Variants in MTMR2 observed in about 807,000 individuals in gnomAD.
The protein encoded by MTMR2 is myotubularin related protein 2, also known as phosphatidylinositol-3,5-bisphosphate 3-phosphatase MTMR2.
In MTMR2, 55 loss-of-function variants were observed where a neutral mutation model predicts 86.9. That is an observed-to-expected ratio of 0.63 (90% CI 0.51 to 0.79). The LOEUF (loss-of-function observed/expected upper bound fraction) is 0.79, where lower values mean the gene tolerates loss of function less well. Ranked by LOEUF, MTMR2 falls within the 30% of genes least tolerant of loss-of-function variation. The pLI is 0.00. For missense variants in MTMR2, 659 were observed against 772.3 expected, an observed-to-expected ratio of 0.85 and a Z score of 1.74; for synonymous variants, 241 against 266.8, an observed-to-expected ratio of 0.90 and a Z score of 0.94.
At chr11:95,851,886 T>TA (rs1321443169) in intron 7 of MTMR2, among the ~76,000 whole-genome samples, 1 of 152,212 alleles carries the variant, frequency 6.6e-6, no homozygotes, top group Non-Finnish European at 1.5e-5. Context: ...AAACAATTTT[T>TA]AAAAAACATA....
rs1863982079 is a variant in MTMR2 at position 95,850,660 on chromosome 11, T to C, written c.744A>G (p.Ala248=). Residue 248 remains alanine, a synonymous_variant, in exon 8 of 15, where the codon GCA becomes GCG. Coordinates refer to ENST00000346299, the MANE Select transcript of MTMR2 (RefSeq NM_016156.6). ...TCTTTAATTCTTCATCAGGAATATTTGCTGGCACAACCAGGAGGGCAGGGT... is the reference window on the plus strand; with the variant it reads ...TCTTTAATTCTTCATCAGGAATATTCGCTGGCACAACCAGGAGGGCAGGGT... ...DTYPALLVVP[A]NIPDEELKRV... The C allele has an allele frequency of 3.7e-6, 6 of 1,614,196 alleles. No homozygotes were observed. Among genetic ancestry groups the C allele is most frequent in the Non-Finnish European group, 5.1e-6 (6 of 1,180,000 alleles).
At chr11:95,905,039 T>C (rs1315154335) in intron 1 of MTMR2, among the ~76,000 whole-genome samples, 3 of 152,164 alleles carry the variant, frequency 2.0e-5, no homozygotes, top group African/African-American at 7.2e-5. Context: ...GCATTTAACA[T>C]AGTTGATCAC....
intron 1 of MTMR2, among the ~76,000 whole-genome samples, chr11:95,916,280 A>G (rs1866700684): frequency 6.6e-6 from 1 of 152,186 alleles, no homozygotes; most frequent in Admixed American, 6.5e-5. Context: ...CAAAGGCCTC[A>G]CAGATGAGAC....
chr11:95,870,454 A>T (rs1864812817), intron 2 of MTMR2, among the ~76,000 whole-genome samples: 1 of 152,186 alleles, frequency 6.6e-6, no homozygotes, highest in South Asian at 2.1e-4. Context: ...CGAAAGAAAT[A>T]GAATCCTGGA....
intron 2 of MTMR2, 104 bp downstream of exon 2, chr11:95,888,052 G>T: frequency 1.2e-6 from 1 of 855,538 alleles, no homozygotes; most frequent in Non-Finnish European, 1.9e-6. Flanking sequence ...GGATCTATGA[G>T]AATACTCCAT....
At chr11:95,863,349 C>T (rs1052888176) in intron 3 of MTMR2, among the ~76,000 whole-genome samples, 2 of 152,260 alleles carry the variant, frequency 1.3e-5, no homozygotes, top group East Asian at 1.9e-4. Flanking sequence ...TTCAACACTT[C>T]GAAGGACTGG....
At chr11:95,881,683 C>T (rs527401723) in intron 2 of MTMR2, among the ~76,000 whole-genome samples, 3 of 151,938 alleles carry the variant, frequency 2.0e-5, no homozygotes, top group Middle Eastern at 3.4e-3. Flanking sequence ...ATCTTGTATC[C>T]GGCAACAGTG....
chr11:95,898,749 A>G (rs182242904), intron 1 of MTMR2, among the ~76,000 whole-genome samples: 40 of 152,310 alleles, frequency 2.6e-4, no homozygotes, highest in Admixed American at 6.5e-5. Flanking sequence ...CTGTATATGA[A>G]AAGTTCATAT....
At chr11:95,911,187 T>C (rs962571786) in intron 1 of MTMR2, among the ~76,000 whole-genome samples, 13 of 152,132 alleles carry the variant, frequency 8.5e-5, no homozygotes, top group African/African-American at 3.1e-4. Context: ...TTCCAACTGG[T>C]GCATGTTGGC....
intron 6 of MTMR2, 139 bp from the exon 7 acceptor site, chr11:95,857,774 T>C (rs1046214184): frequency 6.0e-5 from 39 of 646,842 alleles, no homozygotes; most frequent in Non-Finnish European, 9.7e-5. Flanking sequence ...TTTTGTATTA[T>C]AGTTTTTGTT....
chr11:95,884,269 T>A (rs145458662), intron 2 of MTMR2, among the ~76,000 whole-genome samples: 1 of 152,226 alleles, frequency 6.6e-6, no homozygotes, highest in African/African-American at 2.4e-5. Context: ...AATTTTATTA[T>A]AAAACTCTCC....
chr11:95,868,678 A>G (rs2135492884), intron 2 of MTMR2, among the ~76,000 whole-genome samples: 1 of 152,294 alleles, frequency 6.6e-6, no homozygotes, highest in South Asian at 2.1e-4. Flanking sequence ...AAATCAATGA[A>G]CAGAGACATA....
chr11:95,846,735 T>C (rs575222752), intron 10 of MTMR2, among the ~76,000 whole-genome samples: 1 of 152,362 alleles, frequency 6.6e-6, no homozygotes, highest in South Asian at 2.1e-4. Flanking sequence ...CAGCGATTTA[T>C]GTTAGTTCCA....
At chr11:95,843,754 TTA>T (rs956890606) in intron 11 of MTMR2, among the ~76,000 whole-genome samples, 4 of 152,136 alleles carry the variant, frequency 2.6e-5, no homozygotes, top group Non-Finnish European at 5.9e-5. Context: ...AATATTTTTT[TTA>T]GTTTAAATAT....
chr11:95,850,148 C>T (rs1363734136), intron 8 of MTMR2, among the ~76,000 whole-genome samples: 1 of 151,980 alleles, frequency 6.6e-6, no homozygotes, highest in Non-Finnish European at 1.5e-5. Flanking sequence ...GTAAACCCCA[C>T]TTAATATATT....
Position 95,907,003 on chromosome 11 carries a change from A to G in MTMR2, c.80+16872T>C, listed in dbSNP as rs552120882. On this transcript the variant is annotated intron_variant, in intron 1 of 14. Coordinates refer to ENST00000346299, the MANE Select transcript of MTMR2 (RefSeq NM_016156.6). ...ACCAACCCCAAAGCTAGCAGAAGAAATAACCAAAATCAGAGCTGAACTGAA... is the reference window on the plus strand; with the variant it reads ...ACCAACCCCAAAGCTAGCAGAAGAAGTAACCAAAATCAGAGCTGAACTGAA... 3.5e-4 allele frequency among the ~76,000 whole-genome samples: 54 copies of G among 152,318 alleles called. 1 individual carries two copies. In the South Asian group the frequency reaches 8.9e-3, roughly 25 times the overall value.
chr11:95,899,262 G>C (rs1865987424), intron 1 of MTMR2, among the ~76,000 whole-genome samples: 1 of 152,096 alleles, frequency 6.6e-6, no homozygotes, highest in Non-Finnish European at 1.5e-5. Context: ...GACTTGACCT[G>C]AAAACAAGGG....
chr11:95,870,001 C>A (rs1465532370), intron 2 of MTMR2, among the ~76,000 whole-genome samples: 1 of 152,040 alleles, frequency 6.6e-6, no homozygotes, highest in Non-Finnish European at 1.5e-5. Flanking sequence ...TTTCTAAACT[C>A]ATAGAATGTA....
chr11:95,839,855 G>C (rs1000183960), intron 12 of MTMR2, among the ~76,000 whole-genome samples: 2 of 152,026 alleles, frequency 1.3e-5, no homozygotes, highest in African/African-American at 4.8e-5. Context: ...AAAAACACTA[G>C]GTGTATAAAA....
Sources: allele counts gnomAD v4.1 joint callset (sites outside exome capture counted in the v4.1 genomes callset), GRCh38; gene constraint gnomAD v4.1.1; transcripts MANE v1.5; gene names NCBI Gene and HGNC (gene_info 2026-07-23, HGNC 2026-07-21).